Variants in TUSC3 observed in about 807,000 individuals in gnomAD.
TUSC3 encodes the protein dolichyl-diphosphooligosaccharide--protein glycosyltransferase subunit TUSC3.
Under a neutral mutation model 44.8 loss-of-function variants are expected in TUSC3, and 45 were observed. The observed-to-expected ratio is 1.00, with a 90% CI of 0.79 to 1.29. The LOEUF is 1.29. Among genes scored for constraint, TUSC3 ranks in the 50% most tolerant of loss-of-function variants. The pLI, the probability that TUSC3 is intolerant of heterozygous loss-of-function variation, is 0.00. For missense variants in TUSC3, 519 were observed against 437.9 expected (o/e 1.19, Z -1.65); for synonymous variants, 212 against 152.9 (o/e 1.39, Z -2.85).
the TUSC3 span, among the ~76,000 whole-genome samples, chr8:15,774,949 G>T: frequency 6.6e-6 from 1 of 152,104 alleles, no homozygotes; most frequent in Non-Finnish European, 1.5e-5. Flanking sequence ...CTTACCATAT[G>T]ACACTGCAGT....
chr8:15,525,041 GACTA>G (rs1209902937), intron 2 of TUSC3, among the ~76,000 whole-genome samples: 1 of 152,172 alleles, frequency 6.6e-6, no homozygotes, highest in African/African-American at 2.4e-5. Flanking sequence ...CAACTGTTGA[GACTA>G]ACTCTCAAGG....
rs551178532 is a variant in TUSC3, at chr8:15,765,970, A to C, written c.*1814A>C. ...TTGCAGTTAATATGCAGCTGATTAA[A>C]TGATATTACAAATTATCTCTAATCT... is the stretch of plus-strand genomic sequence containing the variant. On this transcript the variant is annotated 3_prime_UTR_variant, in exon 11 of 11. Transcript: ENST00000503731. 3 of 152,140 alleles carry C rather than the reference A, an allele frequency of 2.0e-5. No individual in the cohort carries two copies. Among genetic ancestry groups the C allele is most frequent in the Non-Finnish European group, 4.4e-5 (3 of 67,982 alleles). The allele number at this position is 152,140 out of a possible 1,614,324, so 9.4% of individuals were successfully genotyped here. A position where few individuals can be genotyped will look rare whatever the true frequency, so the allele number is the denominator to read the frequency against.
intron 2 of TUSC3, among the ~76,000 whole-genome samples, chr8:15,505,591 C>G (rs1032031044): frequency 1.3e-5 from 2 of 152,128 alleles, no homozygotes; most frequent in African/African-American, 4.8e-5. Flanking sequence ...GCTTGTCTGT[C>G]CTAAGAATCA....
chr8:15,655,034 T>A (rs1226794923), intron 3 of TUSC3, among the ~76,000 whole-genome samples: 1 of 152,150 alleles, frequency 6.6e-6, no homozygotes, highest in Non-Finnish European at 1.5e-5. Flanking sequence ...AAGATTAAAA[T>A]AAGATGTTAG....
At chr8:15,573,820 C>A (rs1159479682) in intron 1 of TUSC3, among the ~76,000 whole-genome samples, 1 of 151,894 alleles carries the variant, frequency 6.6e-6, no homozygotes, top group Non-Finnish European at 1.5e-5. Context: ...TGGAAGAAAA[C>A]TGTGCAGAAA....
the TUSC3 span, among the ~76,000 whole-genome samples, chr8:15,847,035 C>T: frequency 6.6e-6 from 1 of 152,110 alleles, no homozygotes; most frequent in African/African-American, 2.4e-5. Context: ...CAGCATAACG[C>T]CCTAGTCCAT....
At chr8:15,827,571 C>A in the TUSC3 span, among the ~76,000 whole-genome samples, 1 of 152,094 alleles carries the variant, frequency 6.6e-6, no homozygotes, top group South Asian at 2.1e-4. Context: ...TAGGCTTTCA[C>A]CTCTAGATTT....
At chr8:15,564,475 ACCCCC>A (rs1196780505) in intron 1 of TUSC3, among the ~76,000 whole-genome samples, 2 of 152,118 alleles carry the variant, frequency 1.3e-5, no homozygotes, top group Non-Finnish European at 2.9e-5. Context: ...TCTTTTTAAT[ACCCCC>A]TTTTGTTTGT....
At chr8:15,467,923 T>A (rs941803006) in intron 1 of TUSC3, among the ~76,000 whole-genome samples, 2 of 152,188 alleles carry the variant, frequency 1.3e-5, no homozygotes, top group Non-Finnish European at 2.9e-5. Flanking sequence ...AGCATTTAAC[T>A]TTATGTTATA....
intron 1 of TUSC3, among the ~76,000 whole-genome samples, chr8:15,573,908 G>C (rs978762826): frequency 3.9e-5 from 6 of 152,026 alleles, no homozygotes; most frequent in African/African-American, 1.4e-4. Flanking sequence ...GGTGATAGGA[G>C]GGGGAGAGAA....
chr8:15,619,675 G>T (rs1408257764), intron 1 of TUSC3, among the ~76,000 whole-genome samples: 2 of 149,518 alleles, frequency 1.3e-5, no homozygotes, highest in Admixed American at 6.6e-5. Flanking sequence ...GTATTTTTTT[G>T]TTTGTTTGTT....
At chr8:15,531,757 T>C (rs1310495985) in intron 2 of TUSC3, among the ~76,000 whole-genome samples, 1 of 152,254 alleles carries the variant, frequency 6.6e-6, no homozygotes, top group Admixed American at 6.5e-5. Context: ...TTGGATACCT[T>C]CTGCCTGTAA....
the TUSC3 span, among the ~76,000 whole-genome samples, chr8:15,801,093 G>C: frequency 6.6e-6 from 1 of 152,170 alleles, no homozygotes; most frequent in African/African-American, 2.4e-5. Flanking sequence ...TATTAAGAAA[G>C]TAAAAGAATA....
chr8:15,703,222 A>G (rs1809479182), intron 6 of TUSC3, among the ~76,000 whole-genome samples: 1 of 152,178 alleles, frequency 6.6e-6, no homozygotes, highest in African/African-American at 2.4e-5. Context: ...ACATTAGTAT[A>G]GGTATAAACT....
At chr8:15,837,099 C>T in the TUSC3 span, among the ~76,000 whole-genome samples, 1 of 152,038 alleles carries the variant, frequency 6.6e-6, no homozygotes, top group Non-Finnish European at 1.5e-5. Context: ...TGTTTAAAAG[C>T]TATTGTTCTA....
At chr8:15,561,921 A>G (rs1563290588) in intron 1 of TUSC3, among the ~76,000 whole-genome samples, 1 of 152,182 alleles carries the variant, frequency 6.6e-6, no homozygotes, top group Non-Finnish European at 1.5e-5. Flanking sequence ...CCCTAGTGAG[A>G]TGAACCCGGT....
At chr8:15,820,879 C>A in the TUSC3 span, among the ~76,000 whole-genome samples, 1 of 152,026 alleles carries the variant, frequency 6.6e-6, no homozygotes, top group Non-Finnish European at 1.5e-5. Flanking sequence ...CATAACATTA[C>A]CTTGTGAGGT....
chr8:15,573,408 G>A (rs1030600966), intron 1 of TUSC3, among the ~76,000 whole-genome samples: 5 of 151,648 alleles, frequency 3.3e-5, no homozygotes, highest in African/African-American at 9.7e-5. Flanking sequence ...ATAGCGTGGC[G>A]GTGGGAATGG....
At chr8:15,580,795 C>G (rs1408647670) in intron 1 of TUSC3, among the ~76,000 whole-genome samples, 2 of 133,380 alleles carry the variant, frequency 1.5e-5, no homozygotes, top group Non-Finnish European at 3.2e-5. Context: ...AATTATGTGT[C>G]TTGGAGTTGC....
Sources: allele counts gnomAD v4.1 joint callset (sites outside exome capture counted in the v4.1 genomes callset), GRCh38; gene constraint gnomAD v4.1.1; transcripts MANE v1.5; gene names NCBI Gene and HGNC (gene_info 2026-07-23, HGNC 2026-07-21).